RIMBP2: variants seen among roughly 807,000 people sequenced by gnomAD.
RIMBP2 encodes the protein RIMS-binding protein 2.
RIMBP2 carries 48 observed loss-of-function variants against 118.6 expected under a neutral mutation model. That is an observed-to-expected ratio of 0.40 (90% confidence interval 0.32 to 0.51). The LOEUF (loss-of-function observed/expected upper bound fraction) is 0.51. Ranked by LOEUF, RIMBP2 falls within the 20% of genes least tolerant of loss-of-function variation. The pLI is 0.41. For missense variants in RIMBP2, 1,551 were observed against 1,768.3 expected (o/e 0.88, Z 2.20); for synonymous variants, 762 against 742.9 (o/e 1.03, Z -0.42).
At chr12:130,553,411 C>T (rs1397875727) in intron 2 of RIMBP2, among the ~76,000 whole-genome samples, 1 of 151,986 alleles carries the variant, frequency 6.6e-6, no homozygotes, top group African/African-American at 2.4e-5. Flanking sequence ...TATTATCATC[C>T]CTTATATATC....
chr12:130,603,406 A>C (rs11061018), intron 2 of RIMBP2, among the ~76,000 whole-genome samples: 18,994 of 152,298 alleles, frequency 0.12, 1,539 homozygotes, highest in Non-Finnish European at 0.19. Flanking sequence ...AAGCACCTGC[A>C]TCATGGAAGA....
At position 130,620,363 on chromosome 12, in the gene RIMBP2, A is replaced by G. The variant is rs2061230092; in HGVS notation, c.-217+7959T>C. Among the ~76,000 whole-genome samples the G allele has an allele frequency of 6.6e-6, 1 of 152,136 alleles. No homozygotes were observed. Among genetic ancestry groups the G allele is most frequent in the South Asian group, 2.1e-4 (1 of 4,818 alleles). On this transcript the variant is annotated intron_variant, in intron 2 of 22. Transcript: ENST00000690449. This position sits in a 1 kb window ranked among gnomAD's most constrained non-coding sequence, Gnocchi z 5.3. ...TCCTCCCTGAGGCTCCCAATCCCTGATGCTTCGCTGGCCCTCGCCATTGGT... is the reference window on the plus strand; with the variant it reads ...TCCTCCCTGAGGCTCCCAATCCCTGGTGCTTCGCTGGCCCTCGCCATTGGT...
At chr12:130,568,956 T>G (rs1322796175) in intron 2 of RIMBP2, among the ~76,000 whole-genome samples, 1 of 151,952 alleles carries the variant, frequency 6.6e-6, no homozygotes, top group Admixed American at 6.6e-5. Context: ...CCATTGTAAC[T>G]ATTGGAGCTG....
chr12:130,676,952 T>C (rs2064520153), intron 1 of RIMBP2, among the ~76,000 whole-genome samples: 2 of 152,184 alleles, frequency 1.3e-5, no homozygotes, highest in Admixed American at 1.3e-4. Context: ...GTTACACAGC[T>C]GCATGCATTT....
intron 7 of RIMBP2, among the ~76,000 whole-genome samples, chr12:130,452,130 G>A (rs1039674670): frequency 5.3e-5 from 8 of 152,160 alleles, no homozygotes; most frequent in Admixed American, 3.9e-4. Context: ...ACATGACGCG[G>A]CTGCTTCCTT....
intron 6 of RIMBP2, among the ~76,000 whole-genome samples, chr12:130,466,583 G>A (rs1310703139): frequency 2.6e-5 from 4 of 152,186 alleles, no homozygotes; most frequent in Non-Finnish European, 5.9e-5. Flanking sequence ...GAAGCATGAA[G>A]CTGGGAACCG....
intron 5 of RIMBP2, among the ~76,000 whole-genome samples, chr12:130,474,219 T>A (rs1384476308): frequency 6.6e-6 from 1 of 152,166 alleles, no homozygotes; most frequent in Non-Finnish European, 1.5e-5. Flanking sequence ...ATCCGTCACA[T>A]GGAGAAAACA....
chr12:130,554,702 T>C (rs983598019), intron 2 of RIMBP2, among the ~76,000 whole-genome samples: 3 of 152,198 alleles, frequency 2.0e-5, no homozygotes, highest in Admixed American at 2.0e-4. Context: ...GCAGTGGGTG[T>C]CATCATTATC....
chr12:130,599,565 C>T (rs2059752943), intron 2 of RIMBP2, among the ~76,000 whole-genome samples: 1 of 152,116 alleles, frequency 6.6e-6, no homozygotes, highest in Admixed American at 6.6e-5. Context: ...ATCATAATAC[C>T]ATGACTTACC....
In RIMBP2 at chr12:130,688,116, G is replaced by T. The variant is rs1668466652; in HGVS notation, c.-352+28106C>A. 6.6e-6 allele frequency among the ~76,000 whole-genome samples: 1 copy of T among 152,196 alleles called. No individual in the cohort carries two copies. The highest frequency in any genetic ancestry group is 2.1e-4 in the South Asian group (1 of 4,830). ...GAGCTTACAAAATGACACACTCGGT[G>T]ACCAGGCTCTGATGCCATTCCAAGC... On this transcript the variant is annotated intron_variant, in intron 1 of 22. Coordinates refer to ENST00000690449, the MANE Select transcript of RIMBP2 (RefSeq NM_001393629.1). This position sits in a 1 kb window ranked among gnomAD's most constrained non-coding sequence, Gnocchi z 4.7.
chr12:130,483,817 T>C (rs2082248668), intron 4 of RIMBP2, among the ~76,000 whole-genome samples: 1 of 130,270 alleles, frequency 7.7e-6, no homozygotes. Context: ...CTAGATACGG[T>C]GCCCGGAGCC....
intron 2 of RIMBP2, among the ~76,000 whole-genome samples, chr12:130,520,140 A>G (rs1400436438): frequency 6.6e-6 from 1 of 152,244 alleles, no homozygotes; most frequent in Admixed American, 6.5e-5. Flanking sequence ...TCTGGTGGTT[A>G]TAGAAATGCT....
intron 2 of RIMBP2, among the ~76,000 whole-genome samples, chr12:130,572,333 G>A (rs2057739049): frequency 6.6e-6 from 1 of 152,134 alleles, no homozygotes; most frequent in South Asian, 2.1e-4. Context: ...TGCACTCACA[G>A]TAACCCCAAA....
rs2061360556 is a variant in RIMBP2 at position 130,622,217 on chromosome 12, G to A, written c.-217+6105C>T. ...GGATCCTGGGTAACAGGCAGGGCCT[G>A]TGGCTGACTGGAGCAGACGTGAAGC... is the stretch of plus-strand genomic sequence containing the variant. On this transcript the variant is annotated intron_variant, in intron 2 of 22. Coordinates refer to ENST00000690449, the MANE Select transcript of RIMBP2 (RefSeq NM_001393629.1). The surrounding 1 kb of genome is among the most constrained non-coding windows in gnomAD (Gnocchi z 8.5). 6.6e-6 allele frequency among the ~76,000 whole-genome samples: 1 copy of A among 152,196 alleles called. No individual in the cohort carries two copies. Among genetic ancestry groups the A allele is most frequent in the African/African-American group, 2.4e-5 (1 of 41,456 alleles).
intron 1 of RIMBP2, among the ~76,000 whole-genome samples, chr12:130,640,705 C>T (rs1408914620): frequency 6.6e-6 from 1 of 152,214 alleles, no homozygotes; most frequent in African/African-American, 2.4e-5. Flanking sequence ...GCTTGAAAGA[C>T]AAGGCGTGGG....
intron 1 of RIMBP2, among the ~76,000 whole-genome samples, chr12:130,666,430 T>C (rs772752726): frequency 9.2e-5 from 14 of 152,216 alleles, no homozygotes; most frequent in Admixed American, 5.9e-4. Context: ...ATCCTAATGC[T>C]CAAAAAACTG....
chr12:130,609,461 C>A (rs1370854234), intron 2 of RIMBP2, among the ~76,000 whole-genome samples: 1 of 150,802 alleles, frequency 6.6e-6, no homozygotes. Context: ...CAGAGGAGAA[C>A]TGAGCCACCT....
At chr12:130,484,701 C>G (rs578132157) in intron 4 of RIMBP2, among the ~76,000 whole-genome samples, 4 of 152,342 alleles carry the variant, frequency 2.6e-5, no homozygotes, top group Admixed American at 2.0e-4. Flanking sequence ...GGCCTCCTCC[C>G]AGCCCCTGGA....
intron 2 of RIMBP2, among the ~76,000 whole-genome samples, chr12:130,608,493 T>C (rs574704054): frequency 2.0e-5 from 3 of 152,306 alleles, no homozygotes; most frequent in African/African-American, 2.4e-5. Context: ...CTGGTGTCTC[T>C]CTACTGGGGA....
Sources: gnomAD v4.1 joint callset for allele counts (sites outside exome capture counted in the v4.1 genomes callset) on GRCh38, gnomAD v4.1.1 for gene constraint, Gnocchi (gnomAD v3.1) non-coding constraint, MANE v1.5 for transcripts, NCBI Gene and HGNC (gene_info 2026-07-23, HGNC 2026-07-21) for gene names.